Variants in FABP12 observed in about 807,000 individuals in gnomAD.
FABP12 encodes the protein fatty acid binding protein 12, also known as fatty acid-binding protein 12.
In FABP12, 19 loss-of-function variants were observed where a neutral mutation model predicts 13.7. The ratio of observed to expected loss-of-function variants is 1.39; its 90% CI spans 0.97 to 2.04. The LOEUF (loss-of-function observed/expected upper bound fraction) is 2.04, where lower values mean the gene tolerates loss of function less well. Among genes scored for constraint, FABP12 ranks in the 30% most tolerant of loss-of-function variants. FABP12 has a pLI of 0.00. For missense variants in FABP12, 182 were observed against 164.2 expected (o/e 1.11, Z -0.59); for synonymous variants, 61 against 57.0 (o/e 1.07, Z -0.32).
At position 81,531,238 on chromosome 8, in the gene FABP12, C is replaced by T. The variant is rs1281834713; in HGVS notation, c.73+5G>A. 1 of 1,601,550 alleles carries T rather than the reference C, an allele frequency of 6.2e-7. No individual in the cohort carries two copies. Among genetic ancestry groups the T allele is most frequent in the Non-Finnish European group, 8.5e-7 (1 of 1,172,212 alleles). On this transcript the variant is annotated splice_donor_5th_base_variant and intron_variant, in intron 2 of 4. Coordinates refer to ENST00000360464, the Ensembl canonical transcript of FABP12. ...GGATATGATATGCAAGTAAACATAG[C>T]TCACCCAGCTCCTTCATGTAGTCTT... is the stretch of plus-strand genomic sequence containing the variant.
At chr8:81,569,346 T>C (rs1009807395) in intron 1 of FABP12, among the ~76,000 whole-genome samples, 4 of 152,316 alleles carry the variant, frequency 2.6e-5, no homozygotes, top group Admixed American at 2.0e-4. Context: ...GTTTTTCACA[T>C]TGTGGTTATT....
upstream of FABP12, among the ~76,000 whole-genome samples, chr8:81,536,905 G>T (rs1809235541): frequency 6.6e-6 from 1 of 152,192 alleles, no homozygotes; most frequent in African/African-American, 2.4e-5. Context: ...ACAAACATAT[G>T]ACTGGCAAAG....
At chr8:81,563,684 A>T (rs376045702) in intron 1 of FABP12, among the ~76,000 whole-genome samples, 3 of 152,312 alleles carry the variant, frequency 2.0e-5, no homozygotes, top group Non-Finnish European at 1.5e-5. Context: ...AGAACTGATA[A>T]AGCAAAAGAA....
chr8:81,582,093 A>T (rs1810171107), intron 1 of FABP12, among the ~76,000 whole-genome samples: 1 of 151,916 alleles, frequency 6.6e-6, no homozygotes. Flanking sequence ...ATTTCCACTT[A>T]AAAGAAATAC....
chr8:81,554,569 A>T (rs1045843109), intron 1 of FABP12, among the ~76,000 whole-genome samples: 3 of 152,184 alleles, frequency 2.0e-5, no homozygotes, highest in African/African-American at 7.2e-5. Context: ...ACCACATTCT[A>T]CTTGTGTAGG....
At chr8:81,525,168 T>C (rs1355822670) in intron 4 of FABP12, 48 bp from the exon 5 acceptor site, 2 of 1,255,840 alleles carry the variant, frequency 1.6e-6, no homozygotes, top group Admixed American at 2.0e-5. Context: ...TTAGTGAAAT[T>C]AACATTTAGA....
At chr8:81,581,308 A>G (rs1238413505) in intron 1 of FABP12, among the ~76,000 whole-genome samples, 1 of 152,032 alleles carries the variant, frequency 6.6e-6, no homozygotes, top group Non-Finnish European at 1.5e-5. Flanking sequence ...CTTTCCTAAT[A>G]TTTTTACCTG....
At chr8:81,562,738 C>T (rs191766170) in intron 1 of FABP12, among the ~76,000 whole-genome samples, 5 of 152,034 alleles carry the variant, frequency 3.3e-5, no homozygotes, top group Non-Finnish European at 7.4e-5. Flanking sequence ...GGCTTGGGTG[C>T]CAGCTTAGCT....
upstream of FABP12, among the ~76,000 whole-genome samples, chr8:81,534,787 T>A (rs1809180868): frequency 6.6e-6 from 1 of 151,672 alleles, no homozygotes; most frequent in Non-Finnish European, 1.5e-5. Context: ...TACTAAAAAT[T>A]ACAAAAATTA....
At chr8:81,555,296 G>A (rs572715357) in intron 1 of FABP12, among the ~76,000 whole-genome samples, 7 of 152,122 alleles carry the variant, frequency 4.6e-5, no homozygotes, top group Admixed American at 6.5e-5. Context: ...CCATAGCCTC[G>A]GATTGCTGAC....
intron 4 of FABP12, among the ~76,000 whole-genome samples, chr8:81,525,547 T>C (rs1808876535): frequency 6.7e-6 from 1 of 148,444 alleles, no homozygotes. Flanking sequence ...GATAGATAGA[T>C]AGATAGATGA....
chr8:81,580,648 A>T (rs1313276613), intron 1 of FABP12, among the ~76,000 whole-genome samples: 1 of 152,184 alleles, frequency 6.6e-6, no homozygotes, highest in Non-Finnish European at 1.5e-5. Flanking sequence ...TTTCTGCATC[A>T]GAATCCAGAT....
chr8:81,549,429 T>C (rs1809491736), intron 1 of FABP12, among the ~76,000 whole-genome samples: 1 of 152,160 alleles, frequency 6.6e-6, no homozygotes, highest in Admixed American at 6.5e-5. Context: ...GACTTCAGAG[T>C]ACAGATGTTG....
intron 1 of FABP12, among the ~76,000 whole-genome samples, chr8:81,563,152 C>T (rs1034310742): frequency 3.9e-5 from 6 of 152,226 alleles, no homozygotes; most frequent in Admixed American, 3.3e-4. Context: ...GATAATTCTT[C>T]TGTATCTTAT....
chr8:81,549,258 C>G (rs902454808), intron 1 of FABP12, among the ~76,000 whole-genome samples: 1 of 151,632 alleles, frequency 6.6e-6, no homozygotes, highest in African/African-American at 2.4e-5. Context: ...CACACATGCA[C>G]GTACACACCC....
intron 3 of FABP12, among the ~76,000 whole-genome samples, chr8:81,528,273 C>A (rs1808961306): frequency 6.6e-6 from 1 of 151,918 alleles, no homozygotes; most frequent in Non-Finnish European, 1.5e-5. Flanking sequence ...GAGGCGGGAT[C>A]CTGCTATGTT....
intron 1 of FABP12, among the ~76,000 whole-genome samples, chr8:81,567,389 A>G (rs1049422080): frequency 6.6e-6 from 1 of 152,242 alleles, no homozygotes; most frequent in African/African-American, 2.4e-5. Context: ...TGAAGGAATC[A>G]CATTACCTGA....
chr8:81,559,271 G>A (rs1467985042), intron 1 of FABP12, among the ~76,000 whole-genome samples: 1 of 152,156 alleles, frequency 6.6e-6, no homozygotes, highest in African/African-American at 2.4e-5. Flanking sequence ...CATGCAGTTG[G>A]CTGCACAGTA....
At chr8:81,577,600 A>G (rs1023676101) in intron 1 of FABP12, among the ~76,000 whole-genome samples, 2 of 152,092 alleles carry the variant, frequency 1.3e-5, no homozygotes, top group African/African-American at 4.8e-5. Flanking sequence ...CTCTATTAAA[A>G]ACACAAAAAA....
Sources: gnomAD v4.1 joint callset for allele counts (sites outside exome capture counted in the v4.1 genomes callset) on GRCh38, gnomAD v4.1.1 for gene constraint, MANE v1.5 for transcripts, NCBI Gene and HGNC (gene_info 2026-07-23, HGNC 2026-07-21) for gene names.